NAV3: variants seen among roughly 807,000 people sequenced by gnomAD.
The protein encoded by NAV3 is pore membrane and/or filament interacting like protein 1.
In NAV3, 87 loss-of-function variants were observed where a neutral mutation model predicts 244.7. That is an observed-to-expected ratio of 0.36 (90% CI 0.30 to 0.42). The LOEUF is 0.42. Among genes scored for constraint, NAV3 ranks in the 20% least tolerant of loss-of-function variants. NAV3 has a pLI of 1.00. For synonymous variants in NAV3, 1,126 were observed against 1,042.2 expected (o/e 1.08, Z -1.55); for missense variants, 2,663 against 2,893.3 (o/e 0.92, Z 1.83).
At chr12:77,940,132 T>A (rs1889725238) in intron 1 of NAV3, 187 bp from the exon 2 acceptor site, 1 of 554,174 alleles carries the variant, frequency 1.8e-6, no homozygotes, top group African/African-American at 1.9e-5. Context: ...CCCTTTGAAA[T>A]GAGAGATAAG....
chr12:78,209,821 C>T (rs1485440093), intron 39 of NAV3, among the ~76,000 whole-genome samples: 4 of 152,160 alleles, frequency 2.6e-5, no homozygotes, highest in African/African-American at 9.7e-5. Context: ...ACAAACTTGA[C>T]AGTAATTCTT....
intron 11 of NAV3, among the ~76,000 whole-genome samples, chr12:78,054,582 G>A (rs1363129439): frequency 6.6e-6 from 1 of 152,178 alleles, no homozygotes; most frequent in East Asian, 1.9e-4. Context: ...ACTAGTGCAA[G>A]AGCTCTGGCT....
At chr12:77,636,102 A>G (rs754523331) in intron 2 of NAV3, among the ~76,000 whole-genome samples, 1 of 152,220 alleles carries the variant, frequency 6.6e-6, no homozygotes, top group Non-Finnish European at 1.5e-5. Context: ...ATCACTGGTC[A>G]TTAGAGAAAT....
At chr12:77,683,347 C>T (rs1311963558) in intron 2 of NAV3, among the ~76,000 whole-genome samples, 1 of 151,644 alleles carries the variant, frequency 6.6e-6, no homozygotes, top group East Asian at 1.9e-4. Context: ...CTCTGGATAC[C>T]GTACTTTGTT....
At chr12:77,875,544 A>T (rs1385779567) in intron 1 of NAV3, among the ~76,000 whole-genome samples, 2 of 152,120 alleles carry the variant, frequency 1.3e-5, no homozygotes, top group African/African-American at 4.8e-5. Context: ...CCTGGCATAT[A>T]GAACACAAAC....
At chr12:78,068,536 C>T (rs973729705) in intron 12 of NAV3, among the ~76,000 whole-genome samples, 8 of 149,212 alleles carry the variant, frequency 5.4e-5, no homozygotes, top group Admixed American at 1.3e-4. Context: ...TGTGTGAGAG[C>T]GTCTAAAAAG....
chr12:78,147,311 C>G (rs1956901769), intron 21 of NAV3, among the ~76,000 whole-genome samples: 1 of 152,010 alleles, frequency 6.6e-6, no homozygotes, highest in African/African-American at 2.4e-5. Flanking sequence ...AGTATAGCTA[C>G]TGAAGCATCG....
intron 2 of NAV3, among the ~76,000 whole-genome samples, chr12:77,749,278 G>T (rs996761450): frequency 2.6e-5 from 4 of 152,212 alleles, no homozygotes; most frequent in African/African-American, 9.7e-5. Flanking sequence ...GAAGGGCAAT[G>T]TCACATTTCT....
intron 22 of NAV3, among the ~76,000 whole-genome samples, chr12:78,150,622 A>C (rs1957038843): frequency 7.1e-6 from 1 of 140,538 alleles, no homozygotes. Flanking sequence ...CACACGTGCA[A>C]AAGCTTCCTC....
intron 5 of NAV3, among the ~76,000 whole-genome samples, chr12:77,993,344 T>A (rs1384858142): frequency 6.6e-6 from 1 of 152,216 alleles, no homozygotes; most frequent in Admixed American, 6.5e-5. Context: ...CACAAAAGGC[T>A]TTTCCTCACT....
chr12:77,919,451 A>C (rs1887491811), intron 1 of NAV3, among the ~76,000 whole-genome samples: 1 of 152,098 alleles, frequency 6.6e-6, no homozygotes, highest in Non-Finnish European at 1.5e-5. Context: ...ATGCTCACAC[A>C]GTAACAATTG....
chr12:77,921,651 G>GA lies in NAV3; in HGVS notation c.244-18663dup, dbSNP rs1887720275. ...AGTTACAATTTCTAACGTGAAAGAT[G>GA]AAAAATCTAGTGGAAATGATAGGGT... On this transcript the variant is annotated intron_variant, in intron 1 of 39. Coordinates refer to ENST00000397909, the MANE Select transcript of NAV3 (RefSeq NM_001024383.2). 2.0e-5 allele frequency among the ~76,000 whole-genome samples: 3 copies of GA among 152,056 alleles called. No individual in the cohort carries two copies. In the South Asian group the frequency reaches 6.2e-4, roughly 32 times the overall value.
rs1873708120 is a variant in NAV3, at chr12:77,831,620, T to A, written c.159T>A (p.Ser53=). 6.2e-7 allele frequency: 1 copy of A among 1,614,086 alleles called. No homozygotes were observed. Among genetic ancestry groups the A allele is most frequent in the Non-Finnish European group, 8.5e-7 (1 of 1,179,974 alleles). The change falls in exon 1 of 40, where the codon TCT becomes TCA. Residue 53 remains serine, a synonymous_variant. Transcript: ENST00000397909. ...ELTETESSML[S]CQLALKSTCE... is the part of the protein sequence containing the mutation. ...CTGAAACAGAGAGCTCCATGCTTTCTTGTCAGCTTGCGTTAAAATCAACCT... is the reference window on the plus strand; with the variant it reads ...CTGAAACAGAGAGCTCCATGCTTTCATGTCAGCTTGCGTTAAAATCAACCT...
intron 2 of NAV3, among the ~76,000 whole-genome samples, chr12:77,705,022 G>A (rs1046336084): frequency 6.6e-6 from 1 of 152,196 alleles, no homozygotes; most frequent in South Asian, 2.1e-4. Flanking sequence ...GAGAGAAGCA[G>A]GATGGAGTAG....
At chr12:77,830,248 C>A (rs10859443), upstream of NAV3, among the ~76,000 whole-genome samples, 101,246 of 152,082 alleles carry the variant, frequency 0.67, 34,188 homozygotes, top group African/African-American at 0.78. Context: ...AGTTGGACGT[C>A]ATAAGCTTGA....
intron 8 of NAV3, among the ~76,000 whole-genome samples, chr12:78,010,541 G>GT (rs1187417251): frequency 6.6e-6 from 1 of 152,054 alleles, no homozygotes; most frequent in Non-Finnish European, 1.5e-5. Flanking sequence ...AGTCAGAATA[G>GT]TAATAATCTC....
chr12:77,935,665 T>C (rs1028765733), intron 1 of NAV3, among the ~76,000 whole-genome samples: 1 of 152,198 alleles, frequency 6.6e-6, no homozygotes, highest in African/African-American at 2.4e-5. Context: ...TAGTCTGTTT[T>C]CACACTGCTA....
At chr12:78,206,262 A>G (rs1385938066) in intron 39 of NAV3, among the ~76,000 whole-genome samples, 1 of 152,164 alleles carries the variant, frequency 6.6e-6, no homozygotes, top group African/African-American at 2.4e-5. Context: ...TTTTTATAAC[A>G]TGGTACCTGG....
intron 22 of NAV3, among the ~76,000 whole-genome samples, chr12:78,150,109 G>A (rs899232206): frequency 2.6e-5 from 4 of 152,036 alleles, no homozygotes; most frequent in African/African-American, 9.7e-5. Context: ...TAAAGAGATA[G>A]TCCAGAGGCA....
Sources: gnomAD v4.1 joint callset for allele counts (sites outside exome capture counted in the v4.1 genomes callset) on GRCh38, gnomAD v4.1.1 for gene constraint, MANE v1.5 for transcripts, NCBI Gene and HGNC (gene_info 2026-07-23, HGNC 2026-07-21) for gene names.